Variants in ZP1 observed in about 807,000 individuals in gnomAD.
ZP1 encodes zona pellucida sperm-binding protein 1.
In ZP1, 58 loss-of-function variants were observed where a neutral mutation model predicts 67.4. The observed-to-expected ratio is 0.86, with a 90% CI of 0.70 to 1.07. The LOEUF is 1.07. Ranked by LOEUF, ZP1 falls within the 50% of genes least tolerant of loss-of-function variation. The probability of loss-of-function intolerance (pLI) is 0.00; values close to 1 mark genes in which losing one functional copy is unlikely to be tolerated. For missense variants in ZP1, 759 were observed against 807.3 expected (o/e 0.94, Z 0.72); for synonymous variants, 333 against 332.7 (o/e 1.00, Z -0.01).
At chr11:60,871,756 TGGTGGGAGAGGAACTG>T (rs1855575773) in intron 6 of ZP1, among the ~76,000 whole-genome samples, 1 of 152,148 alleles carries the variant, frequency 6.6e-6, no homozygotes, top group Non-Finnish European at 1.5e-5. Flanking sequence ...TCTGAGGATG[TGGTGGGAGAGGAACTG>T]GGTGGGGGAG....
chr11:60,873,496 G>C lies in ZP1; in HGVS notation c.1362G>C (p.Leu454=). The C allele has an allele frequency of 6.2e-7, 1 of 1,613,530 alleles. No homozygotes were observed. The highest frequency in any genetic ancestry group is 1.7e-5 in the Admixed American group (1 of 60,022). Residue 454 remains leucine, a synonymous_variant, in exon 8 of 12, where the codon CTG becomes CTC. Transcript: ENST00000278853. ...CAGACCCCAACCTGGTCCTGCTGCT[G>C]CACCAGTGCTGGGGCGCTCCCAGTG... ...QRTDPNLVLL[L]HQCWGAPSAN... is the part of the protein sequence containing the mutation.
At chr11:60,873,907 C>T in intron 9 of ZP1, 132 bp downstream of exon 9, 1 of 1,257,956 alleles carries the variant, frequency 7.9e-7, no homozygotes, top group Non-Finnish European at 1.1e-6. Context: ...TACCAGGTGT[C>T]ATGGAAAGCA....
rs199843782 is a variant in ZP1, at chr11:60,871,305, G to C, written c.1103G>C (p.Ser368Thr). The change falls in exon 6 of 12, where the codon AGC (serine) becomes ACC (threonine). Residue 368 changes from serine (S) to threonine (T), a missense_variant. Coordinates refer to ENST00000278853, the MANE Select transcript of ZP1 (RefSeq NM_207341.4). Reference protein sequence around the residue: ...KGPQGSITRDSTFQLHVRCVF... With the variant: ...KGPQGSITRDTTFQLHVRCVF... ...CCACAGGGTTCCATCACGCGGGACA[G>C]CACCTTCCAGTAAGGGCAGCCCTCC... The C allele has an allele frequency of 1.2e-6, 2 of 1,613,636 alleles. No individual in the cohort carries two copies. Among genetic ancestry groups the C allele is most frequent in the Admixed American group, 1.7e-5 (1 of 60,014 alleles).
intron 11 of ZP1, 38 bp from the exon 12 acceptor site, chr11:60,875,476 G>A: frequency 6.2e-7 from 1 of 1,610,120 alleles, no homozygotes; most frequent in African/African-American, 1.3e-5. Flanking sequence ...GGGTTGGAGG[G>A]GCCTCACCCA....
intron 4 of ZP1, 107 bp from the exon 5 acceptor site, chr11:60,870,850 C>T (rs1292642859): frequency 3.2e-6 from 4 of 1,246,928 alleles, no homozygotes; most frequent in Admixed American, 2.2e-5. Context: ...GGAGAGTAAG[C>T]GTCCATTCTC....
Position 60,873,307 on chromosome 11 carries a change from T to G in ZP1, c.1240+18T>G. The G allele has an allele frequency of 6.3e-7, 1 of 1,583,588 alleles. No individual in the cohort carries two copies. Among genetic ancestry groups the G allele is most frequent in the African/African-American group, 1.3e-5 (1 of 74,672 alleles). Reference sequence around the variant, plus strand: ...TGCCAAAGGTATGCTATGCTATCCCTGCTCTCTTCTGGCCCCCACTTCCCT... The same window carrying G: ...TGCCAAAGGTATGCTATGCTATCCCGGCTCTCTTCTGGCCCCCACTTCCCT... On this transcript the variant is annotated intron_variant, in intron 7 of 11. Coordinates refer to ENST00000278853, the MANE Select transcript of ZP1 (RefSeq NM_207341.4).
chr11:60,867,915 G>T (rs1855500692), intron 1 of ZP1, among the ~76,000 whole-genome samples, 158 bp downstream of exon 1: 1 of 152,206 alleles, frequency 6.6e-6, no homozygotes, highest in South Asian at 2.1e-4. Flanking sequence ...GGGCAAGGAG[G>T]AGAATCATCA....
chr11:60,871,289 T>G lies in ZP1; in HGVS notation c.1087T>G (p.Ser363Ala), dbSNP rs773167967. The G allele has an allele frequency of 1.2e-6, 2 of 1,613,918 alleles. No individual in the cohort carries two copies. Among genetic ancestry groups the G allele is most frequent in the South Asian group, 2.2e-5 (2 of 91,090 alleles). ...CCACATCCAAAAGGGGCCACAGGGT[T>G]CCATCACGCGGGACAGCACCTTCCA... ...GIHIQKGPQGSITRDSTFQLH... is the reference protein window; with the variant it reads ...GIHIQKGPQGAITRDSTFQLH... The change falls in exon 6 of 12, where the codon TCC becomes GCC. Residue 363 changes from serine (S) to alanine (A), a missense_variant. Ser to Ala is a moderately conservative substitution (Grantham distance 99). Coordinates refer to ENST00000278853, the MANE Select transcript of ZP1 (RefSeq NM_207341.4).
intron 9 of ZP1, among the ~76,000 whole-genome samples, chr11:60,874,421 T>C (rs190529023): frequency 2.2e-4 from 34 of 152,324 alleles, no homozygotes; most frequent in Admixed American, 1.5e-3. Context: ...CCTGCCCTTC[T>C]GTATCTGGAA....
At chr11:60,873,886 GGCTT>G in intron 9 of ZP1, 111 bp downstream of exon 9, 4 of 1,435,934 alleles carry the variant, frequency 2.8e-6, no homozygotes, top group Non-Finnish European at 9.4e-7. Flanking sequence ...TCTGGGATGG[GGCTT>G]GGCGTCTACC....
chr11:60,875,682 A>C lies in ZP1; in HGVS notation c.*26A>C. 2 of 1,607,988 alleles carry C rather than the reference A, an allele frequency of 1.2e-6. No individual in the cohort carries two copies. Among genetic ancestry groups the C allele is most frequent in the Non-Finnish European group, 1.7e-6 (2 of 1,177,358 alleles). On this transcript the variant is annotated 3_prime_UTR_variant, in exon 12 of 12. Coordinates refer to ENST00000278853, the MANE Select transcript of ZP1 (RefSeq NM_207341.4). The stretch of plus-strand genomic sequence containing the variant: ...ATGGGCCCAATAAACAATCATTTCA[A>C]ACCTACTGAAACCAGGTGTGGAGAA...
intron 6 of ZP1, 59 bp from the exon 7 acceptor site, chr11:60,873,103 G>T: frequency 2.0e-6 from 3 of 1,508,160 alleles, no homozygotes; most frequent in South Asian, 1.3e-5. Context: ...AGTTTATTAC[G>T]TAAACAGGAT....
intron 9 of ZP1, among the ~76,000 whole-genome samples, chr11:60,873,993 A>G (rs1855647843): frequency 6.6e-6 from 1 of 152,222 alleles, no homozygotes; most frequent in South Asian, 2.1e-4. Flanking sequence ...TGCTGCAATC[A>G]GCCCTAAATC....
At chr11:60,870,591 C>T in intron 4 of ZP1, 116 bp downstream of exon 4, 1 of 1,401,810 alleles carries the variant, frequency 7.1e-7, no homozygotes, top group Non-Finnish European at 9.6e-7. Flanking sequence ...AGCCCAACTC[C>T]CAGAGCAGAT....
chr11:60,873,711 A>C lies in ZP1; in HGVS notation c.1508A>C (p.Gln503Pro). The C allele has an allele frequency of 6.2e-7, 1 of 1,614,168 alleles. No homozygotes were observed. The highest frequency in any genetic ancestry group is 8.5e-7 in the Non-Finnish European group (1 of 1,180,026). Residue 503 changes from glutamine to proline, a missense_variant, in exon 9 of 12, where the codon CAG becomes CCG. Coordinates refer to ENST00000278853, the MANE Select transcript of ZP1 (RefSeq NM_207341.4). ...GCCACACCTTTCCAGTCGCACTACC[A>C]GCGATTCACTGTTGCTACCTTCGCC... ...DGATPFQSHYQRFTVATFALL... is the reference protein window; with the variant it reads ...DGATPFQSHYPRFTVATFALL...
At chr11:60,870,587 A>G in intron 4 of ZP1, 112 bp downstream of exon 4, 1 of 1,420,504 alleles carries the variant, frequency 7.0e-7, no homozygotes, top group South Asian at 1.5e-5. Context: ...GGAGAGCCCA[A>G]CTCCCAGAGC....
intron 4 of ZP1, 180 bp downstream of exon 4, chr11:60,870,655 A>T (rs1293616398): frequency 1.3e-6 from 1 of 779,670 alleles, no homozygotes; most frequent in Non-Finnish European, 2.0e-6. Flanking sequence ...GCCTTATAAC[A>T]ACTGTCCCAG....
chr11:60,872,546 A>G (rs1459639914), intron 6 of ZP1, among the ~76,000 whole-genome samples: 1 of 152,200 alleles, frequency 6.6e-6, no homozygotes, highest in Non-Finnish European at 1.5e-5. Context: ...AGTGAGGAAG[A>G]TGCTAGACAC....
In ZP1 at chr11:60,868,994, G is replaced by A. The variant is rs1855517025; in HGVS notation, c.197-151G>A. The stretch of plus-strand genomic sequence containing the variant: ...GGAAACTGAGAGCAGAGAGGGGAGG[G>A]GGCTTGCCCAAGACCACACAACAAA... On this transcript the variant is annotated intron_variant, in intron 1 of 11. Transcript: ENST00000278853. The A allele has an allele frequency of 1.7e-5, 14 of 831,592 alleles. No individual in the cohort carries two copies. The East Asian group carries it at 3.8e-4, about 22-fold the overall frequency. The allele number at this position is 831,592 out of a possible 1,614,324, so 51.5% of individuals were successfully genotyped here. A position where few individuals can be genotyped will look rare whatever the true frequency, so the allele number is the denominator to read the frequency against.
Sources: allele counts gnomAD v4.1 joint callset (sites outside exome capture counted in the v4.1 genomes callset), GRCh38; gene constraint gnomAD v4.1.1; transcripts MANE v1.5; gene names NCBI Gene and HGNC (gene_info 2026-07-23, HGNC 2026-07-21).